Variants in HS1BP3 observed in about 807,000 individuals in gnomAD.
The protein encoded by HS1BP3 is HCLS1 binding protein 3, also known as HCLS1-binding protein 3.
Under a neutral mutation model 33.5 loss-of-function variants are expected in HS1BP3, and 32 were observed. That is an observed-to-expected ratio of 0.95 (90% CI 0.72 to 1.28). The LOEUF (loss-of-function observed/expected upper bound fraction) is 1.28, where lower values mean the gene tolerates loss of function less well. Among genes scored for constraint, HS1BP3 ranks in the 50% most tolerant of loss-of-function variants. The probability of loss-of-function intolerance (pLI) is 0.00; values close to 1 mark genes in which losing one functional copy is unlikely to be tolerated. For missense variants in HS1BP3, 486 were observed against 502.3 expected (o/e 0.97, Z 0.31); for synonymous variants, 187 against 209.2 (o/e 0.89, Z 0.92).
At chr2:20,607,490 C>G (rs140734241) in intron 2 of HS1BP3, among the ~76,000 whole-genome samples, 257 of 152,264 alleles carry the variant, frequency 1.7e-3, no homozygotes, top group African/African-American at 5.7e-3. Context: ...GATGTCCCCT[C>G]CAATACAATT....
At chr2:20,560,470 G>T (rs986926872) in exon 6 of HS1BP3, 3 of 152,374 alleles carry the variant, frequency 2.0e-5, no homozygotes, top group Non-Finnish European at 4.4e-5. Context: ...GGGAGGTGAG[G>T]AGGCAGTTGC....
At chr2:20,576,513 A>G (rs1429595347) in intron 5 of HS1BP3, among the ~76,000 whole-genome samples, 1 of 152,158 alleles carries the variant, frequency 6.6e-6, no homozygotes, top group Non-Finnish European at 1.5e-5. Flanking sequence ...GCTCTAGTCT[A>G]GAGCCTGAAA....
intron 1 of HS1BP3, among the ~76,000 whole-genome samples, chr2:20,648,077 G>A (rs1322153031): frequency 1.3e-5 from 2 of 152,122 alleles, no homozygotes; most frequent in Admixed American, 6.5e-5. Context: ...CCAGGGCAGC[G>A]GCTCCGAGGC....
At chr2:20,644,023 C>T (rs1695440153) in intron 2 of HS1BP3, among the ~76,000 whole-genome samples, 1 of 152,136 alleles carries the variant, frequency 6.6e-6, no homozygotes, top group Admixed American at 6.5e-5. Flanking sequence ...TCATCGTTTC[C>T]CTTTTTATCT....
chr2:20,624,817 C>T lies in HS1BP3; in HGVS notation c.699G>A (p.Glu233=), dbSNP rs1480828429. 51 of 1,613,866 alleles carry T rather than the reference C, an allele frequency of 3.2e-5. No homozygotes were observed. The highest frequency in any genetic ancestry group is 4.2e-5 in the Non-Finnish European group (50 of 1,179,924). Reference sequence around the variant, plus strand: ...AGAGCCCCTCATCAGGGTCCACCTCCTCGTCAAAGATGGTGAGCCGGGGCG... The same window carrying T: ...AGAGCCCCTCATCAGGGTCCACCTCTTCGTCAAAGATGGTGAGCCGGGGCG... ...KPSPRLTIFD[E]EVDPDEGLFG... The change falls in exon 5 of 7, where the codon GAG becomes GAA. Residue 233 remains glutamate (E), a synonymous_variant. Transcript: ENST00000304031.
chr2:20,638,137 A>T, intron 4 of HS1BP3: 1 of 548,840 alleles, frequency 1.8e-6, no homozygotes, highest in Non-Finnish European at 3.2e-6. Flanking sequence ...CGCAGCCTGC[A>T]CTACTGAGCT....
chr2:20,646,978 C>T (rs2149304816), intron 1 of HS1BP3, among the ~76,000 whole-genome samples: 1 of 152,370 alleles, frequency 6.6e-6, no homozygotes, highest in African/African-American at 2.4e-5. Context: ...CAGGCAGCTG[C>T]TCCAGAGCCC....
chr2:20,560,723 C>T (rs1692970986), intron 5 of HS1BP3, among the ~76,000 whole-genome samples: 1 of 152,108 alleles, frequency 6.6e-6, no homozygotes, highest in Non-Finnish European at 1.5e-5. Context: ...GAGTCAGAAG[C>T]AGAGCCAGGC....
intron 5 of HS1BP3, among the ~76,000 whole-genome samples, chr2:20,568,769 G>C (rs1032953363): frequency 2.6e-5 from 4 of 152,166 alleles, no homozygotes; most frequent in African/African-American, 9.7e-5. Flanking sequence ...AGAACCATAA[G>C]ACATAGTGCT....
rs776132255 is a variant in HS1BP3, at chr2:20,640,953, T to TG, written c.406+19dup. Reference sequence around the variant, plus strand: ...CTGGGCCGGGGAGACCTGAGGGACATGGGGCAGAGCCTTGGGTACCTAAGA... The same window carrying TG: ...CTGGGCCGGGGAGACCTGAGGGACATGGGGGCAGAGCCTTGGGTACCTAAGA... On this transcript the variant is annotated intron_variant, in intron 3 of 6. Transcript: ENST00000304031. 7 of 1,612,860 alleles carry TG rather than the reference T, an allele frequency of 4.3e-6. No homozygotes were observed. The highest frequency in any genetic ancestry group is 5.9e-6 in the Non-Finnish European group (7 of 1,178,876).
intron 5 of HS1BP3, among the ~76,000 whole-genome samples, chr2:20,561,258 C>T (rs1011740754): frequency 6.6e-6 from 1 of 152,178 alleles, no homozygotes; most frequent in African/African-American, 2.4e-5. Flanking sequence ...ACATGGGATC[C>T]CTTTCTCCCA....
chr2:20,650,175 A>C (rs1338438422), intron 1 of HS1BP3, among the ~76,000 whole-genome samples: 1 of 152,260 alleles, frequency 6.6e-6, no homozygotes, highest in Admixed American at 6.5e-5. Flanking sequence ...ATTCCTGATT[A>C]CAACTGGAAG....
At chr2:20,585,177 C>T (rs1356701837) in intron 5 of HS1BP3, among the ~76,000 whole-genome samples, 1 of 152,196 alleles carries the variant, frequency 6.6e-6, no homozygotes, top group African/African-American at 2.4e-5. Flanking sequence ...TCTCTGTTGA[C>T]AAGTCGATGG....
chr2:20,554,465 G>A, the HS1BP3 span, among the ~76,000 whole-genome samples: 9 of 152,196 alleles, frequency 5.9e-5, no homozygotes, highest in Admixed American at 4.6e-4. Flanking sequence ...GCTGATGCCT[G>A]TAATCCCAAC....
chr2:20,624,860 G>A lies in HS1BP3; in HGVS notation c.656C>T (p.Ala219Val), dbSNP rs1045531236. 3 of 1,613,722 alleles carry A rather than the reference G, an allele frequency of 1.9e-6. No individual in the cohort carries two copies. The highest frequency in any genetic ancestry group is 2.5e-6 in the Non-Finnish European group (3 of 1,179,958). ...CCGGGGCGAGGGCTTGGCTTTCACG[G>A]CCACTTTGGGATGTTTCTTGGGCTT... ...SKKPKKHPKV[A>V]VKAKPSPRLT... Residue 219 changes from alanine (A) to valine (V), a missense_variant, in exon 5 of 7, where the codon GCC becomes GTC. Ala to Val is a moderately conservative substitution (Grantham distance 64). Transcript: ENST00000304031.
At chr2:20,603,522 A>G (rs1019066409) in intron 2 of HS1BP3, among the ~76,000 whole-genome samples, 2 of 152,228 alleles carry the variant, frequency 1.3e-5, no homozygotes, top group Non-Finnish European at 2.9e-5. Flanking sequence ...TATATATAAA[A>G]TGTCCAGAAT....
intron 2 of HS1BP3, among the ~76,000 whole-genome samples, chr2:20,603,416 C>A (rs1158845595): frequency 6.6e-6 from 1 of 152,212 alleles, no homozygotes; most frequent in African/African-American, 2.4e-5. Context: ...TGGCCCAGGT[C>A]TCCTGATACA....
intron 5 of HS1BP3, 41 bp from the exon 6 acceptor site, chr2:20,624,072 A>G (rs753996130): frequency 1.9e-6 from 3 of 1,601,400 alleles, no homozygotes; most frequent in Non-Finnish European, 2.5e-6. Flanking sequence ...GGAAGCCTCT[A>G]GGCTGGGATG....
downstream of HS1BP3, among the ~76,000 whole-genome samples, chr2:20,559,378 T>C (rs1692918633): frequency 6.6e-6 from 1 of 152,256 alleles, no homozygotes; most frequent in Non-Finnish European, 1.5e-5. Context: ...GGGTCCTTTC[T>C]ACAGGGTCTC....
Sources: allele counts gnomAD v4.1 joint callset (sites outside exome capture counted in the v4.1 genomes callset), GRCh38; gene constraint gnomAD v4.1.1; transcripts MANE v1.5; gene names NCBI Gene and HGNC (gene_info 2026-07-23, HGNC 2026-07-21).